The following BCL2L1 variants were observed in gnomAD, a reference collection of about 807,000 sequenced individuals.
BCL2L1 encodes the protein bcl-2-like protein 1.
A neutral mutation model predicts 18.7 loss-of-function variants in BCL2L1; 1 was observed. That is an observed-to-expected ratio of 0.05 (90% CI 0.02 to 0.25). BCL2L1 has a LOEUF of 0.25. Among genes scored for constraint, BCL2L1 ranks in the 10% least tolerant of loss-of-function variants. The probability of loss-of-function intolerance (pLI) is 1.00; values close to 1 mark genes in which losing one functional copy is unlikely to be tolerated. For synonymous variants in BCL2L1, 103 were observed against 122.7 expected, an observed-to-expected ratio of 0.84 and a Z score of 1.06; for missense variants, 207 against 304.9, an observed-to-expected ratio of 0.68 and a Z score of 2.39.
chr20:31,671,833 C>A (rs2060673516), intron 2 of BCL2L1, among the ~76,000 whole-genome samples: 1 of 149,784 alleles, frequency 6.7e-6, no homozygotes, highest in Non-Finnish European at 1.5e-5. Flanking sequence ...ATTTGAATAC[C>A]TCAGCTATAC....
At chr20:31,708,784 G>T (rs981991567) in intron 2 of BCL2L1, among the ~76,000 whole-genome samples, 1 of 152,184 alleles carries the variant, frequency 6.6e-6, no homozygotes, top group African/African-American at 2.4e-5. Context: ...GATATTTCTT[G>T]CTCCACCAGG....
intron 2 of BCL2L1, among the ~76,000 whole-genome samples, chr20:31,718,511 C>T (rs1339272920): frequency 6.6e-6 from 1 of 152,008 alleles, no homozygotes; most frequent in Admixed American, 6.6e-5. Flanking sequence ...CAAAATTAGC[C>T]AGGTGTGGTG....
At chr20:31,712,287 C>A (rs1009831984) in intron 2 of BCL2L1, among the ~76,000 whole-genome samples, 1 of 152,206 alleles carries the variant, frequency 6.6e-6, no homozygotes, top group Non-Finnish European at 1.5e-5. Context: ...CCCTCCCAGG[C>A]TTTGCCTCTT....
intron 2 of BCL2L1, among the ~76,000 whole-genome samples, chr20:31,693,310 AT>A (rs949184071): frequency 2.6e-5 from 4 of 151,412 alleles, no homozygotes; most frequent in African/African-American, 7.3e-5. Context: ...TCTAAAAAAA[AT>A]AATAATAATA....
At chr20:31,700,455 C>T (rs778201900) in intron 2 of BCL2L1, among the ~76,000 whole-genome samples, 19 of 152,198 alleles carry the variant, frequency 1.2e-4, no homozygotes, top group Non-Finnish European at 2.6e-4. Flanking sequence ...TGGAATCCTC[C>T]CCCTGGCACT....
intron 2 of BCL2L1, among the ~76,000 whole-genome samples, chr20:31,701,367 A>T (rs1010747558): frequency 7.2e-5 from 11 of 152,188 alleles, no homozygotes; most frequent in African/African-American, 1.9e-4. Flanking sequence ...TTAGATTTTT[A>T]AAAAACCATC....
chr20:31,710,255 C>T (rs763445277), intron 2 of BCL2L1, among the ~76,000 whole-genome samples: 6 of 152,034 alleles, frequency 3.9e-5, no homozygotes, highest in Non-Finnish European at 7.4e-5. Context: ...GTAAACATGG[C>T]GACCTCTAGG....
At chr20:31,720,566 A>T in intron 2 of BCL2L1, 1 of 985,438 alleles carries the variant, frequency 1.0e-6, no homozygotes, top group Non-Finnish European at 1.2e-6. Context: ...ATCCTGGCTC[A>T]GTGATGGGCA....
intron 2 of BCL2L1, among the ~76,000 whole-genome samples, chr20:31,703,304 A>G (rs923277836): frequency 3.3e-5 from 5 of 152,060 alleles, no homozygotes; most frequent in Admixed American, 6.5e-5. Context: ...TGGTGTCCCA[A>G]TGTGCTGGGA....
intron 2 of BCL2L1, among the ~76,000 whole-genome samples, chr20:31,688,444 CA>C (rs11362299): frequency 0.33 from 28,064 of 86,310 alleles, 2,027 homozygotes; most frequent in African/African-American, 0.42. Context: ...ACTCTGTCTC[CA>C]AAAAAAAAAA....
intron 2 of BCL2L1, among the ~76,000 whole-genome samples, chr20:31,674,379 A>G (rs2060722590): frequency 2.0e-5 from 3 of 152,324 alleles, no homozygotes; most frequent in South Asian, 2.1e-4. Context: ...AAGGCCATGT[A>G]GTGAGCTGGT....
intron 2 of BCL2L1, among the ~76,000 whole-genome samples, chr20:31,685,434 G>C (rs2060940850): frequency 6.6e-6 from 1 of 151,478 alleles, no homozygotes; most frequent in South Asian, 2.1e-4. Flanking sequence ...GAGAGAAAAA[G>C]AAGATTCTAT....
At chr20:31,675,945 C>T (rs1480496781) in intron 2 of BCL2L1, among the ~76,000 whole-genome samples, 1 of 152,204 alleles carries the variant, frequency 6.6e-6, no homozygotes, top group Admixed American at 6.5e-5. Context: ...ACCTCCTCCC[C>T]CACCATTAGT....
At chr20:31,696,154 G>A (rs1490205774) in intron 2 of BCL2L1, among the ~76,000 whole-genome samples, 1 of 152,166 alleles carries the variant, frequency 6.6e-6, no homozygotes, top group African/African-American at 2.4e-5. Context: ...ACTTTGGTTC[G>A]TTCAGACTGT....
intron 2 of BCL2L1, among the ~76,000 whole-genome samples, chr20:31,672,282 T>A (rs994713347): frequency 4.6e-5 from 7 of 151,846 alleles, no homozygotes; most frequent in Non-Finnish European, 1.0e-4. Context: ...CTGACCAACA[T>A]GGTGAAACCC....
chr20:31,690,834 T>C (rs1210887985), intron 2 of BCL2L1, among the ~76,000 whole-genome samples: 4 of 151,642 alleles, frequency 2.6e-5, no homozygotes, highest in African/African-American at 4.8e-5. Flanking sequence ...CCAAAGAGGG[T>C]ACCTTTGTTC....
chr20:31,718,976 C>A (rs1199219765), intron 2 of BCL2L1, among the ~76,000 whole-genome samples: 1 of 152,204 alleles, frequency 6.6e-6, no homozygotes, highest in Non-Finnish European at 1.5e-5. Context: ...TAGAATTATG[C>A]CAACCTTGGT....
intron 2 of BCL2L1, among the ~76,000 whole-genome samples, chr20:31,714,791 C>T (rs543928394): frequency 5.3e-5 from 8 of 152,292 alleles, no homozygotes; most frequent in Admixed American, 4.6e-4. Flanking sequence ...AACTTTGATT[C>T]TAGGACCTCC....
At chr20:31,674,661 G>C (rs2060727920) in intron 2 of BCL2L1, among the ~76,000 whole-genome samples, 1 of 152,072 alleles carries the variant, frequency 6.6e-6, no homozygotes, top group African/African-American at 2.4e-5. Context: ...TTTGAGCTCA[G>C]GAGTTCGAGA....
Sources: gnomAD v4.1 joint callset for allele counts (sites outside exome capture counted in the v4.1 genomes callset) on GRCh38, gnomAD v4.1.1 for gene constraint, MANE v1.5 for transcripts, NCBI Gene and HGNC (gene_info 2026-07-23, HGNC 2026-07-21) for gene names.